Variants in AJAP1 observed in about 807,000 individuals in gnomAD.
AJAP1 encodes the protein adherens junction-associated protein 1.
In AJAP1, 5 loss-of-function variants were observed where a neutral mutation model predicts 35.0. That is an observed-to-expected ratio of 0.14 (90% CI 0.07 to 0.30). AJAP1 has a LOEUF of 0.30. AJAP1 is among the 10% of genes least tolerant of loss of function. The pLI is 1.00. For missense variants in AJAP1, 586 were observed against 571.0 expected (o/e 1.03, Z -0.27); for synonymous variants, 284 against 249.3 (o/e 1.14, Z -1.31).
chr1:4,717,315 G>A (rs558514187), intron 2 of AJAP1, among the ~76,000 whole-genome samples: 6 of 152,290 alleles, frequency 3.9e-5, no homozygotes, highest in East Asian at 1.9e-4. Context: ...TTCTTAGGCC[G>A]TGCATGCTGG....
chr1:4,692,292 C>T lies in AJAP1; in HGVS notation c.30-19608C>T, dbSNP rs1639758849. 6.6e-6 allele frequency among the ~76,000 whole-genome samples: 1 copy of T among 152,186 alleles called. No individual in the cohort carries two copies. Among genetic ancestry groups the T allele is most frequent in the Non-Finnish European group, 1.5e-5 (1 of 68,032 alleles). ...TTGTCAGGGCTTCTCGGGCTCCTCA[C>T]CCCGCGCCCTGGGCTGCTCTCCTCT... On this transcript the variant is annotated intron_variant, in intron 1 of 5. Coordinates refer to ENST00000378191, the MANE Select transcript of AJAP1 (RefSeq NM_018836.4). This position sits in a 1 kb window ranked among gnomAD's most constrained non-coding sequence, Gnocchi z 4.4.
chr1:4,707,850 T>C (rs932682724), intron 1 of AJAP1, among the ~76,000 whole-genome samples: 11 of 151,964 alleles, frequency 7.2e-5, no homozygotes, highest in African/African-American at 2.2e-4. Flanking sequence ...ATTCTGGTTT[T>C]CATTCCCACC....
chr1:4,658,705 G>A (rs558626043), intron 1 of AJAP1, among the ~76,000 whole-genome samples: 1 of 152,298 alleles, frequency 6.6e-6, no homozygotes, highest in Admixed American at 6.5e-5. Flanking sequence ...CTGGCCAAGT[G>A]GAGGAGCTGA....
Position 4,655,448 on chromosome 1 carries a change from G to C in AJAP1, c.23G>C (p.Gly8Ala). The change falls in exon 1 of 6, where the codon GGA (glycine) becomes GCA (alanine). Residue 8 changes from glycine to alanine, a missense_variant. Transcript: ENST00000378191. The surrounding 1 kb of genome is among the most constrained non-coding windows in gnomAD (Gnocchi z 6.9). ...ACCATGTGGATTCAACAGCTTTTAG[G>C]ACTCAGGTGAGCGACCCGGCCGGCG... is the stretch of plus-strand genomic sequence containing the variant. The part of the protein sequence containing the change: MWIQQLL[G>A]LSSMSIRWPG... The C allele has an allele frequency of 6.4e-7, 1 of 1,570,262 alleles. No homozygotes were observed. The highest frequency in any genetic ancestry group is 8.6e-7 in the Non-Finnish European group (1 of 1,158,434).
At chr1:4,702,823 C>T (rs1640017689) in intron 1 of AJAP1, among the ~76,000 whole-genome samples, 1 of 152,176 alleles carries the variant, frequency 6.6e-6, no homozygotes, top group Admixed American at 6.5e-5. Flanking sequence ...GCTTCGTGGG[C>T]CTTGACCTCA....
At chr1:4,762,153 C>T (rs1335117904) in intron 2 of AJAP1, among the ~76,000 whole-genome samples, 8 of 152,216 alleles carry the variant, frequency 5.3e-5, no homozygotes, top group African/African-American at 1.4e-4. Context: ...CCCTCCAAAA[C>T]GCTGCGCAGG....
At chr1:4,769,433 T>C (rs1013217838) in intron 2 of AJAP1, among the ~76,000 whole-genome samples, 7 of 152,066 alleles carry the variant, frequency 4.6e-5, no homozygotes, top group Non-Finnish European at 1.0e-4. Flanking sequence ...CGTTCCAGAA[T>C]AGAAGTGCGA....
intron 1 of AJAP1, among the ~76,000 whole-genome samples, chr1:4,687,646 G>C (rs955626495): frequency 1.3e-5 from 2 of 152,136 alleles, no homozygotes; most frequent in Non-Finnish European, 2.9e-5. Flanking sequence ...GTGATGACTC[G>C]AGCCACAGCT....
In AJAP1 at chr1:4,655,130, C is replaced by G. The variant is rs1166803188; in HGVS notation, c.-296C>G. Reference sequence around the variant, plus strand: ...GGAACACGCCCCGCCTCGCTGCCGCCTTCGCTGTGCCGCCGGCGGAGGGGG... The same window carrying G: ...GGAACACGCCCCGCCTCGCTGCCGCGTTCGCTGTGCCGCCGGCGGAGGGGG... On this transcript the variant is annotated 5_prime_UTR_variant, in exon 1 of 6. Transcript: ENST00000378191. This position sits in a 1 kb window ranked among gnomAD's most constrained non-coding sequence, Gnocchi z 6.9. The G allele has an allele frequency of 6.7e-6, 1 of 149,774 alleles. No homozygotes were observed. Among genetic ancestry groups the G allele is most frequent in the African/African-American group, 2.4e-5 (1 of 41,174 alleles). The allele number at this position is 149,774 out of a possible 1,614,324, so 9.3% of individuals were successfully genotyped here.
intron 1 of AJAP1, among the ~76,000 whole-genome samples, chr1:4,685,992 T>A (rs1015502773): frequency 6.6e-6 from 1 of 152,224 alleles, no homozygotes; most frequent in African/African-American, 2.4e-5. Flanking sequence ...CTTCCTTTAG[T>A]GATCATCTCC....
chr1:4,688,371 C>A (rs1313113301), intron 1 of AJAP1, among the ~76,000 whole-genome samples: 4 of 152,138 alleles, frequency 2.6e-5, no homozygotes, highest in Admixed American at 6.5e-5. Flanking sequence ...CATAACTATT[C>A]CGGTTGACAT....
At chr1:4,750,343 C>A (rs1641294164) in intron 2 of AJAP1, among the ~76,000 whole-genome samples, 1 of 152,236 alleles carries the variant, frequency 6.6e-6, no homozygotes, top group African/African-American at 2.4e-5. Context: ...AAGAGCCTGG[C>A]TGTTCACTGC....
intron 2 of AJAP1, among the ~76,000 whole-genome samples, chr1:4,746,807 G>GTT (rs1392325042): frequency 6.6e-6 from 1 of 152,180 alleles, no homozygotes; most frequent in Non-Finnish European, 1.5e-5. Flanking sequence ...ATTGGCCTGT[G>GTT]TGCTCCCCAG....
Position 4,772,322 on chromosome 1 carries a change from G to T in AJAP1, c.960G>T (p.Arg320=), listed in dbSNP as rs1641853918. 6.2e-7 allele frequency: 1 copy of T among 1,614,094 alleles called. No individual in the cohort carries two copies. Among genetic ancestry groups the T allele is most frequent in the Admixed American group, 1.7e-5 (1 of 60,012 alleles). Residue 320 remains arginine, a synonymous_variant, in exon 4 of 6, where the codon CGG becomes CGT. Transcript: ENST00000378191. ...ACACTCGTCGGAACAGCCACCAGCG[G>T]AAGACCAACCAGCAGGAGGAGAGCT... The part of the protein sequence containing the change: ...SGNTRRNSHQ[R]KTNQQEESCQ...
chr1:4,666,208 A>G (rs1639114387), intron 1 of AJAP1, among the ~76,000 whole-genome samples: 2 of 147,556 alleles, frequency 1.4e-5, no homozygotes, highest in African/African-American at 5.0e-5. Context: ...CCCACCCAGG[A>G]GGGGCACCCC....
In AJAP1 at chr1:4,723,473, T is replaced by C. The variant is rs370250176; in HGVS notation, c.829+10774T>C. On this transcript the variant is annotated intron_variant, in intron 2 of 5. Coordinates refer to ENST00000378191, the MANE Select transcript of AJAP1 (RefSeq NM_018836.4). This position sits in a 1 kb window ranked among gnomAD's most constrained non-coding sequence, Gnocchi z 4.3. ...AGAATGAAGGGGCAATTGGGGGTGA[T>C]AAGGAAGAGCCCACCGGGAGGAGGT... 4.6e-5 allele frequency among the ~76,000 whole-genome samples: 7 copies of C among 151,616 alleles called. No homozygotes were observed. In the East Asian group the frequency reaches 9.8e-4, roughly 21 times the overall value.
chr1:4,696,422 C>T (rs1224517031), intron 1 of AJAP1, among the ~76,000 whole-genome samples: 1 of 152,136 alleles, frequency 6.6e-6, no homozygotes, highest in Non-Finnish European at 1.5e-5. Flanking sequence ...GGAGCCCTGT[C>T]CCTGGGCTGC....
chr1:4,731,075 GTTTGTTGTGT>G (rs951855152), intron 2 of AJAP1, among the ~76,000 whole-genome samples: 11 of 152,110 alleles, frequency 7.2e-5, no homozygotes, highest in Non-Finnish European at 1.3e-4. Flanking sequence ...GGTTTTGTTT[GTTTGTTGTGT>G]TTTGTTCTGT....
At chr1:4,764,844 C>T (rs1454047471) in intron 2 of AJAP1, among the ~76,000 whole-genome samples, 7 of 152,138 alleles carry the variant, frequency 4.6e-5, no homozygotes, top group Admixed American at 3.9e-4. Flanking sequence ...TTGTTTTTGC[C>T]ATGGACAATG....
Sources: allele counts gnomAD v4.1 joint callset (sites outside exome capture counted in the v4.1 genomes callset), GRCh38; gene constraint gnomAD v4.1.1; non-coding constraint Gnocchi (gnomAD v3.1); transcripts MANE v1.5; gene names NCBI Gene and HGNC (gene_info 2026-07-23, HGNC 2026-07-21).